The following NISCH variants were observed in gnomAD, a reference collection of about 807,000 sequenced individuals.
The protein encoded by NISCH is nischarin, also known as I-1 receptor candidate protein.
A neutral mutation model predicts 138.4 loss-of-function variants in NISCH; 55 were observed. The ratio of observed to expected loss-of-function variants is 0.40; its 90% confidence interval spans 0.32 to 0.50. The LOEUF (loss-of-function observed/expected upper bound fraction) is 0.50, where lower values mean the gene tolerates loss of function less well. Among genes scored for constraint, NISCH ranks in the 20% least tolerant of loss-of-function variants. The pLI is 0.71. For synonymous variants in NISCH, 860 were observed against 861.5 expected, an observed-to-expected ratio of 1.00 and a Z score of 0.03; for missense variants, 1,643 against 2,005.5, an observed-to-expected ratio of 0.82 and a Z score of 3.45.
chr3:52,470,763 G>T, intron 3 of NISCH, 96 bp from the exon 4 acceptor site: 6 of 972,734 alleles, frequency 6.2e-6, no homozygotes, highest in Non-Finnish European at 1.0e-5. Flanking sequence ...TAGAGAGATG[G>T]CACTGGCACA....
At chr3:52,485,712 G>A (rs893773358) in intron 14 of NISCH, 66 bp from the exon 15 acceptor site, 2 of 1,529,202 alleles carry the variant, frequency 1.3e-6, no homozygotes, top group African/African-American at 2.8e-5. Flanking sequence ...TCAGGGTCTG[G>A]CAACCAGTAA....
intron 14 of NISCH, among the ~76,000 whole-genome samples, chr3:52,484,921 G>A (rs903984449): frequency 1.1e-4 from 16 of 152,042 alleles, no homozygotes; most frequent in Admixed American, 3.9e-4. Context: ...CCCAGGGCAC[G>A]AGGGGGGCAG....
chr3:52,460,351 C>CA (rs964813411), intron 3 of NISCH, among the ~76,000 whole-genome samples: 10 of 151,024 alleles, frequency 6.6e-5, no homozygotes, highest in Admixed American at 1.3e-4. Context: ...GACACTGTCT[C>CA]AAAAAAAATG....
intron 3 of NISCH, among the ~76,000 whole-genome samples, chr3:52,462,596 G>GGT (rs1462415299): frequency 5.9e-5 from 9 of 152,106 alleles, no homozygotes; most frequent in African/African-American, 2.2e-4. Context: ...CATTGGATAG[G>GGT]GTGGACCCAG....
At chr3:52,457,019 C>T (rs1022415762) in intron 1 of NISCH, among the ~76,000 whole-genome samples, 2 of 152,180 alleles carry the variant, frequency 1.3e-5, no homozygotes, top group East Asian at 3.9e-4. Flanking sequence ...CCGGGTGTGC[C>T]GAGTTGGACA....
chr3:52,461,479 C>T (rs543661963), intron 3 of NISCH, among the ~76,000 whole-genome samples: 2 of 152,260 alleles, frequency 1.3e-5, no homozygotes, highest in African/African-American at 4.8e-5. Flanking sequence ...CTTTCGTAAA[C>T]ATATTTTTAT....
rs1473997887 is a variant in NISCH at position 52,490,055 on chromosome 3, A to G, written c.3457-20A>G. 13 of 1,613,016 alleles carry G rather than the reference A, an allele frequency of 8.1e-6. No individual in the cohort carries two copies. The South Asian group carries it at 1.4e-4, about 18-fold the overall frequency. Reference sequence around the variant, plus strand: ...AGGTTGCTAGGGTGGTGGAGCTGACAGGAGGCCCCCCGTCTTCAGGTTGAA... The same window carrying G: ...AGGTTGCTAGGGTGGTGGAGCTGACGGGAGGCCCCCCGTCTTCAGGTTGAA... On this transcript the variant is annotated intron_variant, in intron 17 of 20. Transcript: ENST00000345716.
At chr3:52,471,198 C>T (rs902839632) in intron 4 of NISCH, 59 of 504,566 alleles carry the variant, frequency 1.2e-4, no homozygotes, top group Non-Finnish European at 1.8e-4. Context: ...CAGATAGAAG[C>T]TGACCCTGGG....
Position 52,484,513 on chromosome 3 carries a change from G to T in NISCH, c.1529G>T (p.Gly510Val). Residue 510 changes from glycine (G) to valine (V), a missense_variant and splice_region_variant, in exon 14 of 21, where the codon GGA becomes GTA. Transcript: ENST00000345716. ...SLPQPILSNQGIMFVQEEALA... is the reference protein window; with the variant it reads ...SLPQPILSNQVIMFVQEEALA... ...TGCCCACCCGCCCTGGTCTCTCCAGGAATCATGTTCGTTCAGGAGGAGGCC... is the reference window on the plus strand; with the variant it reads ...TGCCCACCCGCCCTGGTCTCTCCAGTAATCATGTTCGTTCAGGAGGAGGCC... 1.5e-6 allele frequency: 2 copies of T among 1,357,074 alleles called. No individual in the cohort carries two copies. Among genetic ancestry groups the T allele is most frequent in the South Asian group, 1.1e-5 (1 of 87,596 alleles). 84.1% of individuals were successfully genotyped at this position (1,357,074 alleles called of 1,614,324 possible).
At position 52,455,742 on chromosome 3, in the gene NISCH, G is replaced by T; in HGVS notation, c.93+8G>T. The T allele has an allele frequency of 1.5e-6, 2 of 1,350,394 alleles. No individual in the cohort carries two copies. Among genetic ancestry groups the T allele is most frequent in the African/African-American group, 1.5e-5 (1 of 66,622 alleles). The allele number at this position is 1,350,394 out of a possible 1,614,324, so 83.7% of individuals were successfully genotyped here. The stretch of plus-strand genomic sequence containing the variant: ...CTTGTGGACACTTATACGGTGTGTT[G>T]GGGGCGCGGGCACCCGAAGCGGGGG... On this transcript the variant is annotated splice_region_variant and intron_variant, in intron 1 of 20. Transcript: ENST00000345716.
At chr3:52,457,138 G>A (rs1474944071) in intron 1 of NISCH, among the ~76,000 whole-genome samples, 2 of 152,198 alleles carry the variant, frequency 1.3e-5, no homozygotes, top group Non-Finnish European at 2.9e-5. Context: ...GAGGAACTAA[G>A]GCTCAGAGAG....
Position 52,479,729 on chromosome 3 carries a change from C to T in NISCH, c.1303-20C>T. 6.3e-7 allele frequency: 1 copy of T among 1,579,950 alleles called. No homozygotes were observed. The highest frequency in any genetic ancestry group is 8.7e-7 in the Non-Finnish European group (1 of 1,154,002). On this transcript the variant is annotated intron_variant, in intron 11 of 20. Transcript: ENST00000345716. ...CCATCACCAGTCCCCATGCTGATAG[C>T]CACTTTCTGGATGCTCTAGGTCTGT...
chr3:52,477,682 C>G, intron 9 of NISCH, 40 bp downstream of exon 9: 1 of 1,524,208 alleles, frequency 6.6e-7, no homozygotes, highest in Non-Finnish European at 9.1e-7. Context: ...CACACACTCC[C>G]AAGGCCCCGC....
intron 1 of NISCH, 63 bp from the exon 2 acceptor site, chr3:52,457,780 G>A: frequency 9.0e-7 from 1 of 1,112,346 alleles, no homozygotes; most frequent in Non-Finnish European, 1.4e-6. Flanking sequence ...TTTTGCTGCT[G>A]GGGGAGGAGA....
At position 52,491,908 on chromosome 3, in the gene NISCH, G is replaced by T. The variant is rs201606509; in HGVS notation, c.3941G>T (p.Arg1314Leu). The change falls in exon 21 of 21, where the codon CGC becomes CTC. Residue 1314 changes from arginine to leucine, a missense_variant. Physicochemically the swap from Arg to Leu is moderately radical, Grantham distance 102. Transcript: ENST00000345716. ...MENYELIHSSRVKFTYPSEEE... is the reference protein window; with the variant it reads ...MENYELIHSSLVKFTYPSEEE... ...AACTACGAGCTGATCCACTCTAGTC[G>T]CGTCAAGTTTACCTACCCCAGTGAG... The T allele has an allele frequency of 1.5e-4, 234 of 1,611,182 alleles. 1 individual carries two copies. In the South Asian group the frequency reaches 2.1e-3, roughly 14 times the overall value.
At chr3:52,459,176 A>G (rs1431045244) in intron 3 of NISCH, among the ~76,000 whole-genome samples, 8 of 152,250 alleles carry the variant, frequency 5.3e-5, no homozygotes, top group East Asian at 1.9e-4. Context: ...GGGATAGACT[A>G]TTGTTGAGTT....
intron 3 of NISCH, among the ~76,000 whole-genome samples, chr3:52,462,412 G>A (rs528057003): frequency 1.4e-4 from 21 of 152,272 alleles, no homozygotes; most frequent in African/African-American, 4.8e-4. Context: ...CCACTGGGGG[G>A]CAAAATTGCC....
At chr3:52,465,865 A>G (rs1706766138) in intron 3 of NISCH, among the ~76,000 whole-genome samples, 1 of 152,182 alleles carries the variant, frequency 6.6e-6, no homozygotes, top group Non-Finnish European at 1.5e-5. Context: ...AATGGCTTAG[A>G]AGAGTGTTGG....
In NISCH at chr3:52,490,811, C is replaced by T. The variant is rs41292366; in HGVS notation, c.3720C>T (p.Phe1240=). 4.9e-3 allele frequency: 7,951 copies of T among 1,614,196 alleles called. 48 individuals carry two copies. The highest frequency in any genetic ancestry group is 0.015 in the South Asian group (1,358 of 91,086). Residue 1240 remains phenylalanine (F), a synonymous_variant, in exon 19 of 21, where the codon TTC becomes TTT. Transcript: ENST00000345716. Reference sequence around the variant, plus strand: ...TGCAGTCAGTCAATGTGGGGCTTTTCGACCAGCATTTCCGGCTGACGGGTG... The same window carrying T: ...TGCAGTCAGTCAATGTGGGGCTTTTTGACCAGCATTTCCGGCTGACGGGTG... ...SDLQSVNVGL[F]DQHFRLTGST... is the part of the protein sequence containing the mutation.
Sources: gnomAD v4.1 joint callset for allele counts (sites outside exome capture counted in the v4.1 genomes callset) on GRCh38, gnomAD v4.1.1 for gene constraint, MANE v1.5 for transcripts, NCBI Gene and HGNC (gene_info 2026-07-23, HGNC 2026-07-21) for gene names.